Variants in ANKS1A observed in about 807,000 individuals in gnomAD.
ANKS1A encodes ankyrin repeat and sterile alpha motif domain containing 1A, also known as ankyrin repeat and SAM domain-containing protein 1A.
A neutral mutation model predicts 120.3 loss-of-function variants in ANKS1A; 55 were observed. The ratio of observed to expected loss-of-function variants is 0.46; its 90% CI spans 0.37 to 0.57. The LOEUF (loss-of-function observed/expected upper bound fraction) is 0.57, where lower values mean the gene tolerates loss of function less well. Ranked by LOEUF, ANKS1A falls within the 20% of genes least tolerant of loss-of-function variation. ANKS1A has a pLI of 0.00. For synonymous variants in ANKS1A, 590 were observed against 604.7 expected, an observed-to-expected ratio of 0.98 and a Z score of 0.36; for missense variants, 1,123 against 1,480.3, an observed-to-expected ratio of 0.76 and a Z score of 3.96.
chr6:34,982,953 T>C lies in ANKS1A; in HGVS notation c.808+126T>C. On this transcript the variant is annotated intron_variant, in intron 5 of 23. Transcript: ENST00000360359. This position sits in a 1 kb window ranked among gnomAD's most constrained non-coding sequence, Gnocchi z 4.9. ...ATGTATGTGTATCTCCACTGGTTGATTACAAGTGTGTAAACTGTTCTTGAA... is the reference window on the plus strand; with the variant it reads ...ATGTATGTGTATCTCCACTGGTTGACTACAAGTGTGTAAACTGTTCTTGAA... 1.5e-6 allele frequency: 2 copies of C among 1,299,604 alleles called. No homozygotes were observed. The highest frequency in any genetic ancestry group is 2.2e-6 in the Non-Finnish European group (2 of 901,458). The allele number at this position is 1,299,604 out of a possible 1,614,324, so 80.5% of individuals were successfully genotyped here. A position where few individuals can be genotyped will look rare whatever the true frequency, so the allele number is the denominator to read the frequency against.
chr6:35,011,570 G>A (rs1454608519), intron 10 of ANKS1A, among the ~76,000 whole-genome samples: 1 of 152,174 alleles, frequency 6.6e-6, no homozygotes, highest in African/African-American at 2.4e-5. Context: ...ATACCTATGG[G>A]CCCCAAGGTG....
At chr6:34,971,630 T>C (rs1216483309) in intron 3 of ANKS1A, among the ~76,000 whole-genome samples, 2 of 152,190 alleles carry the variant, frequency 1.3e-5, no homozygotes, top group African/African-American at 2.4e-5. Flanking sequence ...AAATTACCTG[T>C]AGGATTAGAT....
the ANKS1A span, among the ~76,000 whole-genome samples, chr6:35,097,329 T>C: frequency 6.6e-6 from 1 of 151,956 alleles, no homozygotes; most frequent in Non-Finnish European, 1.5e-5. Flanking sequence ...GCCAACATGG[T>C]GAAACCCTAT....
chr6:34,995,939 A>G (rs1386367306), intron 10 of ANKS1A, among the ~76,000 whole-genome samples: 1 of 152,222 alleles, frequency 6.6e-6, no homozygotes, highest in Non-Finnish European at 1.5e-5. Context: ...ATTGCTGGGT[A>G]TCCCAGCAAT....
At chr6:34,896,544 T>C (rs1222309390) in intron 1 of ANKS1A, among the ~76,000 whole-genome samples, 1 of 152,206 alleles carries the variant, frequency 6.6e-6, no homozygotes, top group Non-Finnish European at 1.5e-5. Flanking sequence ...AAATGACTTT[T>C]GTGGTAGTTA....
chr6:34,902,936 A>T (rs999036284), intron 1 of ANKS1A, among the ~76,000 whole-genome samples: 1 of 152,086 alleles, frequency 6.6e-6, no homozygotes, highest in Non-Finnish European at 1.5e-5. Context: ...TAGTTCATTT[A>T]CAGAGAAAAC....
intron 17 of ANKS1A, among the ~76,000 whole-genome samples, chr6:35,081,932 C>T (rs1777707085): frequency 6.6e-6 from 1 of 152,200 alleles, no homozygotes; most frequent in Non-Finnish European, 1.5e-5. Flanking sequence ...CAGCTTCACC[C>T]CTGCTTGTTT....
At chr6:35,051,203 A>G (rs113496667) in intron 11 of ANKS1A, among the ~76,000 whole-genome samples, 61 of 152,206 alleles carry the variant, frequency 4.0e-4, no homozygotes, top group African/African-American at 1.5e-3. Context: ...CAAAGAAAAA[A>G]AAAAGAAAAG....
At chr6:35,097,657 A>C in the ANKS1A span, among the ~76,000 whole-genome samples, 2 of 143,992 alleles carry the variant, frequency 1.4e-5, no homozygotes, top group Admixed American at 6.9e-5. Flanking sequence ...AAAAAAAAAA[A>C]ACACATACAC....
chr6:35,019,116 CTG>C lies in ANKS1A; in HGVS notation c.2010+1060_2010+1061del, dbSNP rs371718760. On this transcript the variant is annotated intron_variant, in intron 11 of 23. Transcript: ENST00000360359. Reference sequence around the variant, plus strand: ...TAGTTGGAAATATGTACCAATTTCTCTGTGACCTATGGCATGTCTCGCTGAGC... The same window carrying C: ...TAGTTGGAAATATGTACCAATTTCTCTGACCTATGGCATGTCTCGCTGAGC... Among the ~76,000 whole-genome samples, 683 of 152,290 alleles carry C rather than the reference CTG, an allele frequency of 4.5e-3. 6 individuals carry two copies. Among genetic ancestry groups the C allele is most frequent in the Middle Eastern group, 0.027 (8 of 294 alleles).
rs529273114 is a variant in ANKS1A at position 35,070,765 on chromosome 6, T to G, written c.2185-7793T>G. 108 of 318,738 alleles carry G rather than the reference T, an allele frequency of 3.4e-4. 2 individuals are homozygous for G. The highest frequency in any genetic ancestry group is 3.1e-3 in the South Asian group (93 of 30,062). 19.7% of individuals were successfully genotyped at this position (318,738 alleles called of 1,614,324 possible). On this transcript the variant is annotated intron_variant, in intron 13 of 23. Coordinates refer to ENST00000360359, the MANE Select transcript of ANKS1A (RefSeq NM_015245.3). ...TCCCAAAGTGCTGGGATTACAGGCGTGAGCCACCGTGCACAGCCCACAAGC... is the reference window on the plus strand; with the variant it reads ...TCCCAAAGTGCTGGGATTACAGGCGGGAGCCACCGTGCACAGCCCACAAGC...
intron 14 of ANKS1A, 83 bp downstream of exon 14, chr6:35,078,739 G>A: frequency 7.5e-7 from 1 of 1,333,806 alleles, no homozygotes; most frequent in Non-Finnish European, 1.1e-6. Context: ...GAACAGGGGA[G>A]GAGCAGGGCT....
chr6:34,933,104 T>C lies in ANKS1A; in HGVS notation c.198-34135T>C, dbSNP rs374358111. Among the ~76,000 whole-genome samples, 19 of 152,342 alleles carry C rather than the reference T, an allele frequency of 1.2e-4. 1 individual carries two copies. In the South Asian group the frequency reaches 3.3e-3, roughly 27 times the overall value. ...CATCCTTCTGTGTGCTTATTAGCCA[T>C]TTGTGTATCTTCTTTGGAAAGATGA... On this transcript the variant is annotated intron_variant, in intron 1 of 23. Transcript: ENST00000360359.
At chr6:34,925,223 A>T (rs1189298135) in intron 1 of ANKS1A, among the ~76,000 whole-genome samples, 1 of 152,180 alleles carries the variant, frequency 6.6e-6, no homozygotes, top group Non-Finnish European at 1.5e-5. Flanking sequence ...GTAAATGATT[A>T]ATTAAAAGTC....
At position 35,060,783 on chromosome 6, in the gene ANKS1A, G is replaced by C. The variant is rs1000455162; in HGVS notation, c.2184+530G>C. 2.0e-5 allele frequency among the ~76,000 whole-genome samples: 3 copies of C among 152,178 alleles called. No individual in the cohort carries two copies. Among genetic ancestry groups the C allele is most frequent in the Non-Finnish European group, 1.5e-5 (1 of 68,028 alleles). The stretch of plus-strand genomic sequence containing the variant: ...GGAGGATTGGTTGCTTCTTTGAGAA[G>C]CTCTCTCACAAAACACAAAGGGCCA... On this transcript the variant is annotated intron_variant, in intron 13 of 23. Coordinates refer to ENST00000360359, the MANE Select transcript of ANKS1A (RefSeq NM_015245.3). This position sits in a 1 kb window ranked among gnomAD's most constrained non-coding sequence, Gnocchi z 4.5.
chr6:35,032,741 T>G (rs1774971134), intron 11 of ANKS1A, among the ~76,000 whole-genome samples: 1 of 152,220 alleles, frequency 6.6e-6, no homozygotes, highest in African/African-American at 2.4e-5. Context: ...TTTTCTTTTC[T>G]TTTTCTTTCT....
intron 10 of ANKS1A, among the ~76,000 whole-genome samples, chr6:35,013,448 C>T (rs992584095): frequency 6.6e-6 from 1 of 152,048 alleles, no homozygotes; most frequent in Non-Finnish European, 1.5e-5. Flanking sequence ...GTGTGCACCA[C>T]CACACCCAGC....
chr6:35,094,609 T>C (rs1036188300), downstream of ANKS1A, among the ~76,000 whole-genome samples: 3 of 152,066 alleles, frequency 2.0e-5, no homozygotes, highest in East Asian at 1.9e-4. Context: ...AAAGAACCTA[T>C]TGGAAATTCT....
At chr6:35,040,187 G>A (rs931025259) in intron 11 of ANKS1A, among the ~76,000 whole-genome samples, 3 of 152,190 alleles carry the variant, frequency 2.0e-5, no homozygotes, top group East Asian at 3.8e-4. Flanking sequence ...CAAAATCAGT[G>A]GGGTATCTTG....
Sources: allele counts gnomAD v4.1 joint callset (sites outside exome capture counted in the v4.1 genomes callset), GRCh38; gene constraint gnomAD v4.1.1; non-coding constraint Gnocchi (gnomAD v3.1); transcripts MANE v1.5; gene names NCBI Gene and HGNC (gene_info 2026-07-23, HGNC 2026-07-21).